The following PDPR variants were observed in gnomAD, a reference collection of about 807,000 sequenced individuals.
PDPR encodes pyruvate dehydrogenase phosphatase regulatory subunit.
Under a neutral mutation model 102.2 loss-of-function variants are expected in PDPR, and 50 were observed. The ratio of observed to expected loss-of-function variants is 0.49; its 90% CI spans 0.39 to 0.62. The LOEUF (loss-of-function observed/expected upper bound fraction) is 0.62. Ranked by LOEUF, PDPR falls within the 20% of genes least tolerant of loss-of-function variation. PDPR has a pLI of 0.00. For synonymous variants in PDPR, 259 were observed against 406.0 expected (o/e 0.64, Z 4.35); for missense variants, 625 against 1,098.2 (o/e 0.57, Z 6.09).
In PDPR at chr16:70,135,006, T is replaced by C. The variant is rs201141962; in HGVS notation, c.998-1188T>C. 5.3e-5 allele frequency among the ~76,000 whole-genome samples: 8 copies of C among 152,270 alleles called. No individual in the cohort carries two copies. In the East Asian group the frequency reaches 1.5e-3, roughly 29 times the overall value. On this transcript the variant is annotated intron_variant, in intron 9 of 18. Transcript: ENST00000288050. The stretch of plus-strand genomic sequence containing the variant: ...TGGGAGGCCAAGATGGGAGGATCAC[T>C]GGAGCCCAGGAAGTGAAGACCAGCC...
rs1967305985 is a variant in PDPR, at chr16:70,157,133, G to T, written c.*254G>T. Reference sequence around the variant, plus strand: ...CCCACCCCTCACTCAGCTTCTCGTGGTGGCAGGAGGTATGTCTGACAGGAC... The same window carrying T: ...CCCACCCCTCACTCAGCTTCTCGTGTTGGCAGGAGGTATGTCTGACAGGAC... On this transcript the variant is annotated 3_prime_UTR_variant, in exon 19 of 19. Coordinates refer to ENST00000288050, the MANE Select transcript of PDPR (RefSeq NM_017990.5). 2 of 672,460 alleles carry T rather than the reference G, an allele frequency of 3.0e-6. No homozygotes were observed. Among genetic ancestry groups the T allele is most frequent in the Non-Finnish European group, 5.4e-6 (2 of 370,346 alleles). 41.7% of individuals were successfully genotyped at this position (672,460 alleles called of 1,614,324 possible).
rs761365431 is a variant in PDPR at position 70,157,035 on chromosome 16, C to CT, written c.*162dup. On this transcript the variant is annotated 3_prime_UTR_variant, in exon 19 of 19. Coordinates refer to ENST00000288050, the MANE Select transcript of PDPR (RefSeq NM_017990.5). The stretch of plus-strand genomic sequence containing the variant: ...AATTTTGAACTTGACCTACTTTAAA[C>CT]TTTTTTGCTCTGCAGCCTTCCTTGC... The CT allele has an allele frequency of 1.3e-5, 15 of 1,115,550 alleles. No homozygotes were observed. Among genetic ancestry groups the CT allele is most frequent in the South Asian group, 4.1e-5 (3 of 73,430 alleles). 69.1% of individuals were successfully genotyped at this position (1,115,550 alleles called of 1,614,324 possible).
intron 12 of PDPR, 72 bp from the exon 13 acceptor site, chr16:70,142,481 G>A (rs531525369): frequency 6.2e-7 from 1 of 1,612,220 alleles, no homozygotes; most frequent in African/African-American, 1.3e-5. Flanking sequence ...GCTAGAATGT[G>A]TTCACAGAAG....
At chr16:70,142,813 C>CT in intron 13 of PDPR, 127 bp downstream of exon 13, 1 of 1,379,248 alleles carries the variant, frequency 7.3e-7, no homozygotes, top group Non-Finnish European at 1.0e-6. Context: ...ATTCCCAGCA[C>CT]TTTGGGAGGC....
intron 11 of PDPR, among the ~76,000 whole-genome samples, chr16:70,141,397 T>C (rs1205823221): frequency 6.6e-6 from 1 of 152,274 alleles, no homozygotes; most frequent in East Asian, 1.9e-4. Context: ...AATAATGTCA[T>C]TGGTACAATA....
At chr16:70,132,348 G>A (rs376884332) in intron 9 of PDPR, 48 bp downstream of exon 9, 1 of 1,550,470 alleles carries the variant, frequency 6.4e-7, no homozygotes. Flanking sequence ...TGTTTAAGAT[G>A]TTATATTTTT....
At position 70,116,277 on chromosome 16, in the gene PDPR, A is replaced by G. The variant is rs543241453; in HGVS notation, c.-33+1347A>G. 5.1e-5 allele frequency among the ~76,000 whole-genome samples: 7 copies of G among 138,224 alleles called. No individual in the cohort carries two copies. In the South Asian group the frequency reaches 1.1e-3, roughly 22 times the overall value. 90.7% of individuals were successfully genotyped at this position (138,224 alleles called of 152,430 possible). A position where few individuals can be genotyped will look rare whatever the true frequency, so the allele number is the denominator to read the frequency against. On this transcript the variant is annotated intron_variant, in intron 2 of 18. Transcript: ENST00000288050. ...TTTTTAGTAGAGACGGGGTTTCACC[A>G]TGCTGATCAGGCTGGTCTCAAACTC...
chr16:70,162,603 CAG>C (rs1967895528), downstream of PDPR: 1 of 152,596 alleles, frequency 6.6e-6, no homozygotes, highest in Non-Finnish European at 1.5e-5. Context: ...AAAGCATAAA[CAG>C]CGTGCAGAGG....
At chr16:70,152,247 G>A (rs916628739) in intron 17 of PDPR, among the ~76,000 whole-genome samples, 3 of 152,274 alleles carry the variant, frequency 2.0e-5, no homozygotes, top group East Asian at 1.9e-4. Flanking sequence ...TTCCCGGCAC[G>A]GTGGCTCATG....
At chr16:70,115,667 A>T (rs2549076) in intron 2 of PDPR, among the ~76,000 whole-genome samples, 102 of 152,314 alleles carry the variant, frequency 6.7e-4, no homozygotes, top group Admixed American at 1.1e-3. Context: ...ACAGAGGGAC[A>T]ACTCGAAGTT....
chr16:70,125,631 C>T (rs1452944245), intron 3 of PDPR, among the ~76,000 whole-genome samples: 2 of 149,750 alleles, frequency 1.3e-5, no homozygotes, highest in Non-Finnish European at 3.0e-5. Flanking sequence ...AATGTTCTTT[C>T]CTTTTCTTTC....
intron 9 of PDPR, among the ~76,000 whole-genome samples, chr16:70,132,831 G>A (rs1199169573): frequency 1.3e-5 from 2 of 152,240 alleles, no homozygotes; most frequent in African/African-American, 4.8e-5. Context: ...GTGTGTGTGT[G>A]AGATGGCGTC....
Position 70,128,998 on chromosome 16 carries a change from A to T in PDPR, c.483A>T (p.Lys161Asn). ...CTTCTGAGATCATCTCCCCCAAGAA[A>T]GTGGCCGAGCTTCACCATCTCCTCA... Reference protein sequence around the residue: ...GIPSEIISPKKVAELHHLLNV... With the variant: ...GIPSEIISPKNVAELHHLLNV... The change falls in exon 6 of 19, where the codon AAA becomes AAT. Residue 161 changes from lysine to asparagine, a missense_variant. By Grantham distance (94) the Lys-to-Asn change is moderately conservative (BLOSUM62 0). Around this residue, in one of 11 missense-constraint regions of PDPR, gnomAD observed 5 missense variants for 92.5 expected, o/e 0.05. Transcript: ENST00000288050. 6.2e-7 allele frequency: 1 copy of T among 1,613,880 alleles called. No homozygotes were observed. The highest frequency in any genetic ancestry group is 1.1e-5 in the South Asian group (1 of 91,078).
In PDPR at chr16:70,157,165, A is replaced by T. The variant is rs4985404; in HGVS notation, c.*286A>T. The T allele has an allele frequency of 0.02, 12,675 of 631,710 alleles. 31 individuals carry two copies. Among genetic ancestry groups the T allele is most frequent in the Non-Finnish European group, 0.026 (8,969 of 342,422 alleles). The allele number at this position is 631,710 out of a possible 1,614,324, so 39.1% of individuals were successfully genotyped here. A position where few individuals can be genotyped will look rare whatever the true frequency, so the allele number is the denominator to read the frequency against. Reference sequence around the variant, plus strand: ...GAGGTATGTCTGACAGGACAGAAGCAAGCTCCACTGTGGACATGAGTGATG... The same window carrying T: ...GAGGTATGTCTGACAGGACAGAAGCTAGCTCCACTGTGGACATGAGTGATG... On this transcript the variant is annotated 3_prime_UTR_variant, in exon 19 of 19. Coordinates refer to ENST00000288050, the MANE Select transcript of PDPR (RefSeq NM_017990.5).
At chr16:70,132,585 T>C (rs1964649223) in intron 9 of PDPR, among the ~76,000 whole-genome samples, 1 of 152,232 alleles carries the variant, frequency 6.6e-6, no homozygotes, top group Non-Finnish European at 1.5e-5. Flanking sequence ...TGCTCCGTGC[T>C]CAGACTGGAG....
At chr16:70,134,994 T>C in intron 9 of PDPR, among the ~76,000 whole-genome samples, 1 of 152,108 alleles carries the variant, frequency 6.6e-6, no homozygotes, top group Non-Finnish European at 1.5e-5. Flanking sequence ...GAGGCCAAGA[T>C]GGGAGGATCA....
At chr16:70,134,463 G>T (rs1402925938) in intron 9 of PDPR, among the ~76,000 whole-genome samples, 1 of 150,420 alleles carries the variant, frequency 6.6e-6, no homozygotes, top group Admixed American at 6.6e-5. Flanking sequence ...GACCTCAAGC[G>T]ATCCACCCGC....
chr16:70,158,381 C>A lies in PDPR; in HGVS notation c.*1502C>A, dbSNP rs984745240. 1.3e-5 allele frequency: 2 copies of A among 152,728 alleles called. No individual in the cohort carries two copies. The highest frequency in any genetic ancestry group is 1.5e-5 in the Non-Finnish European group (1 of 68,206). The allele number at this position is 152,728 out of a possible 1,614,324, so 9.5% of individuals were successfully genotyped here. A position where few individuals can be genotyped will look rare whatever the true frequency, so the allele number is the denominator to read the frequency against. On this transcript the variant is annotated 3_prime_UTR_variant, in exon 19 of 19. Coordinates refer to ENST00000288050, the MANE Select transcript of PDPR (RefSeq NM_017990.5). ...CTTGGAAGCATTAGCTCTGATAGGT[C>A]TATAAGTGTATTAAGGGACATCCTT...
chr16:70,141,822 G>A (rs752539680), intron 11 of PDPR, among the ~76,000 whole-genome samples: 75 of 152,256 alleles, frequency 4.9e-4, no homozygotes, highest in African/African-American at 7.0e-4. Context: ...AAATTGGGCC[G>A]GGCAGAGTGG....
Sources: gnomAD v4.1 joint callset for allele counts (sites outside exome capture counted in the v4.1 genomes callset) on GRCh38, gnomAD v4.1.1 for gene constraint, gnomAD v4.1.1 regional missense constraint, MANE v1.5 for transcripts, NCBI Gene and HGNC (gene_info 2026-07-23, HGNC 2026-07-21) for gene names.